Variants in MFSD2A observed in about 807,000 individuals in gnomAD.
The protein encoded by MFSD2A is sodium-dependent lysophosphatidylcholine symporter 1.
Under a neutral mutation model 64.7 loss-of-function variants are expected in MFSD2A, and 27 were observed. The ratio of observed to expected loss-of-function variants is 0.42; its 90% CI spans 0.31 to 0.58. MFSD2A has a LOEUF of 0.58. Ranked by LOEUF, MFSD2A falls within the 20% of genes least tolerant of loss-of-function variation. The pLI, the probability that MFSD2A is intolerant of heterozygous loss-of-function variation, is 0.18. For synonymous variants in MFSD2A, 258 were observed against 273.4 expected (o/e 0.94, Z 0.55); for missense variants, 474 against 679.5 (o/e 0.70, Z 3.36).
At chr1:39,962,709 G>GC (rs1645071108) in intron 3 of MFSD2A, 1 of 789,134 alleles carries the variant, frequency 1.3e-6, no homozygotes, top group Non-Finnish European at 2.2e-6. Context: ...CTGAGGCAAG[G>GC]CCGAGGATAA....
rs944885058 is a variant in MFSD2A at position 39,958,991 on chromosome 1, C to A, written c.353+166C>A. 1.3e-5 allele frequency among the ~76,000 whole-genome samples: 2 copies of A among 152,164 alleles called. No homozygotes were observed. The highest frequency in any genetic ancestry group is 2.9e-5 in the Non-Finnish European group (2 of 68,034). ...TCCGAGGCATCAGCTACCCTGAGCA[C>A]GGGCACTGGCATGCTCAGCCAGTTC... On this transcript the variant is annotated intron_variant, in intron 3 of 13. Coordinates refer to ENST00000372811, the MANE Select transcript of MFSD2A (RefSeq NM_032793.5). The surrounding 1 kb of genome is among the most constrained non-coding windows in gnomAD (Gnocchi z 4.7).
In MFSD2A at chr1:39,963,842, C is replaced by T. The variant is rs963160305; in HGVS notation, c.354-1369C>T. Among the ~76,000 whole-genome samples, 9 of 152,190 alleles carry T rather than the reference C, an allele frequency of 5.9e-5. No homozygotes were observed. The highest frequency in any genetic ancestry group is 2.2e-4 in the African/African-American group (9 of 41,450). ...CTCTGCCTCCCGGGTTCAAGTGATT[C>T]TCCCGCTTCAGCCTCCCGAGGAGCT... On this transcript the variant is annotated intron_variant, in intron 3 of 13. Transcript: ENST00000372811. The surrounding 1 kb of genome is among the most constrained non-coding windows in gnomAD (Gnocchi z 4.2).
chr1:39,965,393 G>A lies in MFSD2A; in HGVS notation c.477+59G>A, dbSNP rs913315648. 9 of 1,613,338 alleles carry A rather than the reference G, an allele frequency of 5.6e-6. No individual in the cohort carries two copies. The highest frequency in any genetic ancestry group is 7.6e-6 in the Non-Finnish European group (9 of 1,179,682). ...GGGCCGGGAGGAGGGCGGTCCTTGG[G>A]GCCCCCAGGGTTGGTACTGGAAGCT... On this transcript the variant is annotated intron_variant, in intron 4 of 13. Coordinates refer to ENST00000372811, the MANE Select transcript of MFSD2A (RefSeq NM_032793.5). The surrounding 1 kb of genome is among the most constrained non-coding windows in gnomAD (Gnocchi z 5.5).
At position 39,967,608 on chromosome 1, in the gene MFSD2A, C is replaced by T. The variant is rs772792152; in HGVS notation, c.1012-20C>T. 5 of 1,612,198 alleles carry T rather than the reference C, an allele frequency of 3.1e-6. No homozygotes were observed. Among genetic ancestry groups the T allele is most frequent in the Non-Finnish European group, 4.2e-6 (5 of 1,178,572 alleles). ...GTGGCTCTAAAGCACCTCCCTTTAA[C>T]CCCCTTTGTCCATCCACAGCTCTCG... On this transcript the variant is annotated intron_variant, in intron 9 of 13. Transcript: ENST00000372811.
chr1:39,968,824 A>G lies in MFSD2A; in HGVS notation c.1529+79A>G, dbSNP rs1366404615. On this transcript the variant is annotated intron_variant, in intron 13 of 13. Coordinates refer to ENST00000372811, the MANE Select transcript of MFSD2A (RefSeq NM_032793.5). The surrounding 1 kb of genome is among the most constrained non-coding windows in gnomAD (Gnocchi z 4.4). The stretch of plus-strand genomic sequence containing the variant: ...CCTCAATTTGTGTCTCCTGTGGCCA[A>G]GTCCAGACTCACCCCCCACACATCT... The G allele has an allele frequency of 3.3e-6, 5 of 1,495,036 alleles. No homozygotes were observed. In the African/African-American group the frequency reaches 6.9e-5, roughly 21 times the overall value. 92.6% of individuals were successfully genotyped at this position (1,495,036 alleles called of 1,614,324 possible).
chr1:39,967,307 T>G, intron 9 of MFSD2A, 138 bp downstream of exon 9: 1 of 780,372 alleles, frequency 1.3e-6, no homozygotes, highest in Admixed American at 2.6e-5. Context: ...TCAGGGTATT[T>G]GGTTGGACCT....
rs1644905539 is a variant in MFSD2A, at chr1:39,955,476, G to C, written c.93+91G>C. The C allele has an allele frequency of 6.9e-6, 9 of 1,312,236 alleles. No homozygotes were observed. The highest frequency in any genetic ancestry group is 7.4e-6 in the Non-Finnish European group (7 of 939,652). The allele number at this position is 1,312,236 out of a possible 1,614,324, so 81.3% of individuals were successfully genotyped here. ...CGTCCCGGGGTCGGCCTGGTCAGGG[G>C]ACCATTGGGATAGCCAGGGACAGGA... On this transcript the variant is annotated intron_variant, in intron 1 of 13. Coordinates refer to ENST00000372811, the MANE Select transcript of MFSD2A (RefSeq NM_032793.5). The surrounding 1 kb of genome is among the most constrained non-coding windows in gnomAD (Gnocchi z 5.9).
rs984302417 is a variant in MFSD2A at position 39,955,949 on chromosome 1, G to A, written c.93+564G>A. ...CATCGACCACATCCCCAGCCCTGGG[G>A]ACTTATTGAAGGACCAAATAAAATG... On this transcript the variant is annotated intron_variant, in intron 1 of 13. Transcript: ENST00000372811. The surrounding 1 kb of genome is among the most constrained non-coding windows in gnomAD (Gnocchi z 5.9). 1 of 171,096 alleles carries A rather than the reference G, an allele frequency of 5.8e-6. No individual in the cohort carries two copies. Among genetic ancestry groups the A allele is most frequent in the African/African-American group, 2.4e-5 (1 of 41,646 alleles). 10.6% of individuals were successfully genotyped at this position (171,096 alleles called of 1,614,324 possible).
At position 39,958,733 on chromosome 1, in the gene MFSD2A, T is replaced by G. The variant is rs1443587950; in HGVS notation, c.261T>G (p.Phe87Leu). 1 of 1,614,108 alleles carries G rather than the reference T, an allele frequency of 6.2e-7. No individual in the cohort carries two copies. Among genetic ancestry groups the G allele is most frequent in the Non-Finnish European group, 8.5e-7 (1 of 1,180,020 alleles). Residue 87 changes from phenylalanine (F) to leucine (L), a missense_variant, in exon 3 of 14, where the codon TTT becomes TTG. By Grantham distance (22) the Phe-to-Leu change is conservative. Coordinates refer to ENST00000372811, the MANE Select transcript of MFSD2A (RefSeq NM_032793.5). The surrounding 1 kb of genome is among the most constrained non-coding windows in gnomAD (Gnocchi z 4.7). ...CTTTCTCTGCCTCCATCATCCTGTTTGTGGGCCGAGCCTGGGATGCCATCA... is the reference window on the plus strand; with the variant it reads ...CTTTCTCTGCCTCCATCATCCTGTTGGTGGGCCGAGCCTGGGATGCCATCA... Reference protein sequence around the residue: ...VGPFSASIILFVGRAWDAITD... With the variant: ...VGPFSASIILLVGRAWDAITD...
rs371014536 is a variant in MFSD2A, at chr1:39,969,632, C to T, written c.*64C>T. 115 of 1,485,034 alleles carry T rather than the reference C, an allele frequency of 7.7e-5. No homozygotes were observed. Among genetic ancestry groups the T allele is most frequent in the African/African-American group, 2.4e-4 (17 of 70,678 alleles). 92.0% of individuals were successfully genotyped at this position (1,485,034 alleles called of 1,614,324 possible). Reference sequence around the variant, plus strand: ...ACAGAAGGGATCAGGACCTGTCTGCCGGCTTGCTGAGCAGCTGGACTGCAG... The same window carrying T: ...ACAGAAGGGATCAGGACCTGTCTGCTGGCTTGCTGAGCAGCTGGACTGCAG... On this transcript the variant is annotated 3_prime_UTR_variant, in exon 14 of 14. Coordinates refer to ENST00000372811, the MANE Select transcript of MFSD2A (RefSeq NM_032793.5).
rs1466019667 is a variant in MFSD2A at position 39,964,104 on chromosome 1, G to C, written c.354-1107G>C. 6.6e-6 allele frequency: 1 copy of C among 152,594 alleles called. No homozygotes were observed. The allele number at this position is 152,594 out of a possible 1,614,324, so 9.5% of individuals were successfully genotyped here. ...TTACATCCTTCCAAAGCGAAATTATGCAATATTTATCTTTTTGTGTCTTGC... is the reference window on the plus strand; with the variant it reads ...TTACATCCTTCCAAAGCGAAATTATCCAATATTTATCTTTTTGTGTCTTGC... On this transcript the variant is annotated intron_variant, in intron 3 of 13. Transcript: ENST00000372811. The surrounding 1 kb of genome is among the most constrained non-coding windows in gnomAD (Gnocchi z 4.1).
Position 39,965,876 on chromosome 1 carries a change from G to A in MFSD2A, c.576G>A (p.Leu192=). The A allele has an allele frequency of 1.9e-6, 3 of 1,613,948 alleles. No individual in the cohort carries two copies. The highest frequency in any genetic ancestry group is 2.5e-6 in the Non-Finnish European group (3 of 1,180,020). Residue 192 remains leucine, a synonymous_variant, in exon 6 of 14, where the codon CTG becomes CTA. Coordinates refer to ENST00000372811, the MANE Select transcript of MFSD2A (RefSeq NM_032793.5). The surrounding 1 kb of genome is among the most constrained non-coding windows in gnomAD (Gnocchi z 5.5). ...TGCCAGGGATGACTGTGGAAGTGCTGGGCACAGTGCTGGGCACGGCGATCC... is the reference window on the plus strand; with the variant it reads ...TGCCAGGGATGACTGTGGAAGTGCTAGGCACAGTGCTGGGCACGGCGATCC... ...ATAYRMTVEV[L]GTVLGTAIQG...
rs1645017826 is a variant in MFSD2A, at chr1:39,960,580, T to C, written c.353+1755T>C. Among the ~76,000 whole-genome samples, 1 of 152,226 alleles carries C rather than the reference T, an allele frequency of 6.6e-6. No homozygotes were observed. The highest frequency in any genetic ancestry group is 2.4e-5 in the African/African-American group (1 of 41,472). On this transcript the variant is annotated intron_variant, in intron 3 of 13. Coordinates refer to ENST00000372811, the MANE Select transcript of MFSD2A (RefSeq NM_032793.5). This position sits in a 1 kb window ranked among gnomAD's most constrained non-coding sequence, Gnocchi z 4.8. The stretch of plus-strand genomic sequence containing the variant: ...GAGGCTCTGCTGCCACGTCGCCTCA[T>C]GAGGCCCAGCCAATGGGAGGCAGCC...
In MFSD2A at chr1:39,955,249, G is replaced by T. The variant is rs779123527; in HGVS notation, c.-44G>T. ...AGGAGCAGCGGCCTGCGGGGCAGAG[G>T]AGCATCCCGTCTACCAGGTCCCAAG... On this transcript the variant is annotated 5_prime_UTR_variant, in exon 1 of 14. Transcript: ENST00000372811. This position sits in a 1 kb window ranked among gnomAD's most constrained non-coding sequence, Gnocchi z 5.9. The T allele has an allele frequency of 4.0e-5, 55 of 1,363,242 alleles. No homozygotes were observed. The highest frequency in any genetic ancestry group is 5.0e-5 in the Non-Finnish European group (53 of 1,052,614). The allele number at this position is 1,363,242 out of a possible 1,614,324, so 84.4% of individuals were successfully genotyped here.
intron 6 of MFSD2A, 97 bp from the exon 7 acceptor site, chr1:39,966,504 G>T: frequency 1.0e-6 from 1 of 961,892 alleles, no homozygotes; most frequent in Non-Finnish European, 1.6e-6. Context: ...AGAGGGGAGG[G>T]GACTGGCCCA....
chr1:39,965,234 C>T lies in MFSD2A; in HGVS notation c.377C>T (p.Ala126Val). The T allele has an allele frequency of 6.2e-7, 1 of 1,614,178 alleles. No individual in the cohort carries two copies. Among genetic ancestry groups the T allele is most frequent in the Non-Finnish European group, 8.5e-7 (1 of 1,180,040 alleles). The stretch of plus-strand genomic sequence containing the variant: ...AGGATCATCTTCTCCACGCCCCTGG[C>T]CGTCATTGCCTACTTCCTCATCTGG... ...MPWIIFSTPL[A>V]VIAYFLIWFV... The change falls in exon 4 of 14, where the codon GCC (alanine) becomes GTC (valine). Residue 126 changes from alanine to valine, a missense_variant. Physicochemically the swap from Ala to Val is moderately conservative, Grantham distance 64. Coordinates refer to ENST00000372811, the MANE Select transcript of MFSD2A (RefSeq NM_032793.5). The surrounding 1 kb of genome is among the most constrained non-coding windows in gnomAD (Gnocchi z 5.5).
At position 39,965,755 on chromosome 1, in the gene MFSD2A, C is replaced by A; in HGVS notation, c.557-102C>A. On this transcript the variant is annotated intron_variant, in intron 5 of 13. Transcript: ENST00000372811. The surrounding 1 kb of genome is among the most constrained non-coding windows in gnomAD (Gnocchi z 5.5). ...TGTCACCTACCCCACTACCTCTACC[C>A]ACCCTGCCTGGAGCTACCGCTGGGC... 1 of 1,480,520 alleles carries A rather than the reference C, an allele frequency of 6.8e-7. No individual in the cohort carries two copies. The highest frequency in any genetic ancestry group is 1.2e-5 in the South Asian group (1 of 80,774). The allele number at this position is 1,480,520 out of a possible 1,614,324, so 91.7% of individuals were successfully genotyped here. A position where few individuals can be genotyped will look rare whatever the true frequency, so the allele number is the denominator to read the frequency against.
Position 39,966,798 on chromosome 1 carries a change from C to G in MFSD2A, c.806-13C>G. The G allele has an allele frequency of 6.2e-7, 1 of 1,614,124 alleles. No individual in the cohort carries two copies. The highest frequency in any genetic ancestry group is 1.1e-5 in the South Asian group (1 of 91,086). On this transcript the variant is annotated splice_polypyrimidine_tract_variant and intron_variant, in intron 7 of 13. Transcript: ENST00000372811. ...GTCTCTGCTCCTTCCTCACTGTCCG[C>G]TCTGGCCCCCAGAACCCTATGAAGC...
Position 39,958,757 on chromosome 1 carries a change from CA to C in MFSD2A, c.286del (p.Thr96GlnfsTer92). On this transcript the variant is annotated frameshift_variant, in exon 3 of 14. Coordinates refer to ENST00000372811, the MANE Select transcript of MFSD2A (RefSeq NM_032793.5). LOFTEE classifies it high-confidence loss of function. This position sits in a 1 kb window ranked among gnomAD's most constrained non-coding sequence, Gnocchi z 4.7. ...LFVGRAWDAITDPLVGLCISK... is the reference protein window; with the variant it reads ...LFVGRAWDAIXDPLVGLCISK... ...TTGTGGGCCGAGCCTGGGATGCCAT[CA>C]CAGACCCCCTGGTGGGCCTCTGCAT... 1 of 1,614,098 alleles carries C rather than the reference CA, an allele frequency of 6.2e-7. No homozygotes were observed. Among genetic ancestry groups the C allele is most frequent in the Non-Finnish European group, 8.5e-7 (1 of 1,180,002 alleles).
Sources: allele counts gnomAD v4.1 joint callset (sites outside exome capture counted in the v4.1 genomes callset), GRCh38; gene constraint gnomAD v4.1.1; non-coding constraint Gnocchi (gnomAD v3.1); transcripts MANE v1.5; gene names NCBI Gene and HGNC (gene_info 2026-07-23, HGNC 2026-07-21).